Variants in PRKDC observed in about 807,000 individuals in gnomAD.
PRKDC encodes DNA-dependent protein kinase catalytic subunit.
In PRKDC, 82 loss-of-function variants were observed where a neutral mutation model predicts 486.9. The ratio of observed to expected loss-of-function variants is 0.17; its 90% confidence interval spans 0.14 to 0.20. The LOEUF is 0.20. Ranked by LOEUF, PRKDC falls within the 10% of genes least tolerant of loss-of-function variation. The pLI, the probability that PRKDC is intolerant of heterozygous loss-of-function variation, is 1.00. For synonymous variants in PRKDC, 1,895 were observed against 1,837.0 expected, an observed-to-expected ratio of 1.03 and a Z score of -0.81; for missense variants, 4,504 against 5,038.2, an observed-to-expected ratio of 0.89 and a Z score of 3.21.
chr8:47,803,994 A>G (rs1341885280), intron 69 of PRKDC, among the ~76,000 whole-genome samples: 1 of 151,680 alleles, frequency 6.6e-6, no homozygotes, highest in African/African-American at 2.4e-5. Context: ...ATTTTTTAGT[A>G]TATTTACAAA....
At chr8:47,789,369 T>G (rs2086848165) in intron 74 of PRKDC, 131 bp from the exon 75 acceptor site, 1 of 247,270 alleles carries the variant, frequency 4.0e-6, no homozygotes, top group African/African-American at 2.3e-5. Flanking sequence ...TATAACTAAG[T>G]ATAATTTATA....
chr8:47,929,286 C>T, intron 18 of PRKDC, 108 bp from the exon 19 acceptor site: 1 of 758,846 alleles, frequency 1.3e-6, no homozygotes, highest in Non-Finnish European at 2.2e-6. Context: ...TTTCAAGTTA[C>T]CAACATCTAA....
At chr8:47,781,282 G>T (rs1257793926) in intron 80 of PRKDC, among the ~76,000 whole-genome samples, 2 of 152,194 alleles carry the variant, frequency 1.3e-5, no homozygotes, top group Non-Finnish European at 2.9e-5. Flanking sequence ...ACAATTCTAA[G>T]CAAAGGACTC....
rs1013232877 is a variant in PRKDC at position 47,908,134 on chromosome 8, G to A, written c.2935-3158C>T. Among the ~76,000 whole-genome samples the A allele has an allele frequency of 7.2e-5, 11 of 152,292 alleles. No homozygotes were observed. In the East Asian group the frequency reaches 1.4e-3, roughly 19 times the overall value. ...AGCTGCAGAGCACTGTGCCTGTGTC[G>A]CCCCACCAACCATGACACGCAGGGT... On this transcript the variant is annotated intron_variant, in intron 25 of 85. Coordinates refer to ENST00000314191, the MANE Select transcript of PRKDC (RefSeq NM_006904.7).
In PRKDC at chr8:47,954,547, C is replaced by T. The variant is rs1046225585; in HGVS notation, c.400-101G>A. 12 of 443,036 alleles carry T rather than the reference C, an allele frequency of 2.7e-5. No homozygotes were observed. The Admixed American group carries it at 3.8e-4, about 14-fold the overall frequency. 27.4% of individuals were successfully genotyped at this position (443,036 alleles called of 1,614,324 possible). On this transcript the variant is annotated intron_variant, in intron 4 of 85. Transcript: ENST00000314191. ...TCTAAAGAGGGAAATAACGGGATTC[C>T]TCTATCTCAGTGCATCTGTCCACAG... is the stretch of plus-strand genomic sequence containing the variant.
At position 47,806,849 on chromosome 8, in the gene PRKDC, A is replaced by AT. The variant is rs2087223696; in HGVS notation, c.9747+287dup. 2.0e-5 allele frequency among the ~76,000 whole-genome samples: 3 copies of AT among 152,196 alleles called. No individual in the cohort carries two copies. The South Asian group carries it at 6.2e-4, about 32-fold the overall frequency. On this transcript the variant is annotated intron_variant, in intron 69 of 85. Transcript: ENST00000314191. ...CTAGAGGCTTTCTGGAGAGTTTTGA[A>AT]TAAGTGCTCCTTCAAGTTTCCTTTT...
chr8:47,781,086 T>C lies in PRKDC; in HGVS notation c.11489+1076A>G, dbSNP rs368765096. Reference sequence around the variant, plus strand: ...GTGCTTTCAACTCTCCTGGTACCTATGTTAATCCTGTGCGGTTCCACGCTA... The same window carrying C: ...GTGCTTTCAACTCTCCTGGTACCTACGTTAATCCTGTGCGGTTCCACGCTA... On this transcript the variant is annotated intron_variant, in intron 80 of 85. Coordinates refer to ENST00000314191, the MANE Select transcript of PRKDC (RefSeq NM_006904.7). 3.9e-3 allele frequency among the ~76,000 whole-genome samples: 587 copies of C among 152,318 alleles called. 4 individuals are homozygous for C. The highest frequency in any genetic ancestry group is 0.025 in the South Asian group (123 of 4,826).
At chr8:47,783,583 C>A (rs2086736531) in intron 78 of PRKDC, among the ~76,000 whole-genome samples, 159 bp downstream of exon 78, 1 of 151,724 alleles carries the variant, frequency 6.6e-6, no homozygotes, top group South Asian at 2.1e-4. Flanking sequence ...GGGCAAGACT[C>A]CGTCTCAAAA....
At chr8:47,781,957 CAA>C (rs1224399699) in intron 80 of PRKDC, among the ~76,000 whole-genome samples, 4 of 152,196 alleles carry the variant, frequency 2.6e-5, no homozygotes, top group Non-Finnish European at 5.9e-5. Context: ...TCCCCCCACC[CAA>C]AGTTAATAAA....
At chr8:47,827,633 T>C (rs2087766622) in intron 62 of PRKDC, among the ~76,000 whole-genome samples, 3 of 152,232 alleles carry the variant, frequency 2.0e-5, no homozygotes, top group Admixed American at 2.0e-4. Flanking sequence ...TACACTGCTT[T>C]AACACTTCCC....
At chr8:47,956,478 T>G (rs931246763) in intron 3 of PRKDC, among the ~76,000 whole-genome samples, 4 of 150,210 alleles carry the variant, frequency 2.7e-5, no homozygotes, top group African/African-American at 4.9e-5. Context: ...GAAGATCACT[T>G]AAGCCCAGGA....
intron 40 of PRKDC, among the ~76,000 whole-genome samples, chr8:47,876,344 T>TG (rs2154501235): frequency 6.6e-6 from 1 of 152,206 alleles, no homozygotes; most frequent in Non-Finnish European, 1.5e-5. Flanking sequence ...GGAGTAGCCA[T>TG]GGCATCAAAC....
intron 76 of PRKDC, 42 bp downstream of exon 76, chr8:47,788,864 A>C (rs978246632): frequency 1.3e-6 from 2 of 1,496,610 alleles, no homozygotes; most frequent in Non-Finnish European, 8.9e-7. Context: ...TGACTGTCAC[A>C]ACGACTCTGC....
At chr8:47,856,121 C>T (rs1450719411) in intron 49 of PRKDC, among the ~76,000 whole-genome samples, 2 of 152,134 alleles carry the variant, frequency 1.3e-5, no homozygotes, top group Admixed American at 6.5e-5. Context: ...TATTTCATTA[C>T]ACTAAGACAA....
chr8:47,869,107 T>C (rs971467014), intron 40 of PRKDC, among the ~76,000 whole-genome samples: 4 of 152,126 alleles, frequency 2.6e-5, no homozygotes, highest in African/African-American at 7.2e-5. Context: ...ATGACAACAA[T>C]TGCAATTCTT....
intron 22 of PRKDC, among the ~76,000 whole-genome samples, chr8:47,917,734 T>C (rs1478476518): frequency 2.0e-5 from 3 of 152,192 alleles, no homozygotes; most frequent in South Asian, 4.1e-4. Context: ...TTATTTAATA[T>C]GAACCAGTTT....
intron 24 of PRKDC, 71 bp downstream of exon 24, chr8:47,913,830 T>C (rs1378622038): frequency 2.9e-6 from 4 of 1,373,702 alleles, no homozygotes; most frequent in Non-Finnish European, 3.8e-6. Flanking sequence ...ACATGTTCTC[T>C]ATATCCTAAG....
intron 56 of PRKDC, 78 bp from the exon 57 acceptor site, chr8:47,837,497 G>A: frequency 8.6e-7 from 1 of 1,156,574 alleles, no homozygotes; most frequent in Non-Finnish European, 1.2e-6. Context: ...GGTGTCCTGT[G>A]GAGAAGGCAC....
chr8:47,843,356 G>T (rs2088194871), intron 54 of PRKDC, among the ~76,000 whole-genome samples: 1 of 151,754 alleles, frequency 6.6e-6, no homozygotes, highest in African/African-American at 2.4e-5. Flanking sequence ...AAAGAAAAAA[G>T]AATTTTTAAA....
Sources: gnomAD v4.1 joint callset for allele counts (sites outside exome capture counted in the v4.1 genomes callset) on GRCh38, gnomAD v4.1.1 for gene constraint, MANE v1.5 for transcripts, NCBI Gene and HGNC (gene_info 2026-07-23, HGNC 2026-07-21) for gene names.